CFAP46: variants seen among roughly 807,000 people sequenced by gnomAD.
CFAP46 encodes cilia and flagella associated protein 46.
In CFAP46, 245 loss-of-function variants were observed where a neutral mutation model predicts 325.7. That is an observed-to-expected ratio of 0.75 (90% CI 0.68 to 0.84). The LOEUF is 0.84. Among genes scored for constraint, CFAP46 ranks in the 40% least tolerant of loss-of-function variants. The pLI, the probability that CFAP46 is intolerant of heterozygous loss-of-function variation, is 0.00. For synonymous variants in CFAP46, 1,523 were observed against 1,495.9 expected, an observed-to-expected ratio of 1.02 and a Z score of -0.42; for missense variants, 3,346 against 3,543.0, an observed-to-expected ratio of 0.94 and a Z score of 1.41.
rs1489372991 is a variant in CFAP46 at position 132,822,587 on chromosome 10, CTGTGTGAGTGCTGATGTGTGCTGTGTGT to C, written c.7118-7701_7118-7674del. On this transcript the variant is annotated intron_variant, in intron 50 of 57. Coordinates refer to ENST00000368586, the MANE Select transcript of CFAP46 (RefSeq NM_001200049.3). ...ATGTGTGCTGTGTGTGTGCTGTGTG[CTGTGTGAGTGCTGATGTGTGCTGTGTGT>C]TGTGTGAGTGCTGATGTGTGCTGTC... is the stretch of plus-strand genomic sequence containing the variant. 1.1e-4 allele frequency among the ~76,000 whole-genome samples: 13 copies of C among 116,788 alleles called. 1 individual carries two copies. Among genetic ancestry groups the C allele is most frequent in the South Asian group, 6.5e-4 (2 of 3,084 alleles). 76.6% of individuals were successfully genotyped at this position (116,788 alleles called of 152,430 possible).
At chr10:132,809,311 G>GAGC (rs990864500) in intron 57 of CFAP46, among the ~76,000 whole-genome samples, 1 of 152,210 alleles carries the variant, frequency 6.6e-6, no homozygotes, top group Non-Finnish European at 1.5e-5. Context: ...GGTCATCGCT[G>GAGC]AGCAGCAGCA....
chr10:132,937,187 A>G (rs2135732846), intron 6 of CFAP46, 132 bp from the exon 7 acceptor site: 2 of 527,694 alleles, frequency 3.8e-6, no homozygotes, highest in Non-Finnish European at 6.4e-6. Context: ...CTGATTCCCC[A>G]TATGTCAAAA....
chr10:132,865,158 A>G (rs930659995), intron 35 of CFAP46, among the ~76,000 whole-genome samples: 8 of 152,178 alleles, frequency 5.3e-5, no homozygotes, highest in Non-Finnish European at 1.0e-4. Context: ...CAACTCTAAA[A>G]TCTGGAGAGA....
At chr10:132,822,136 GTGTGTGTGCTGATGTGTGCTGTGTGC>G (rs1473902223) in intron 50 of CFAP46, among the ~76,000 whole-genome samples, 12 of 143,344 alleles carry the variant, frequency 8.4e-5, no homozygotes, top group African/African-American at 1.6e-4. Flanking sequence ...TGTGTGTGCT[GTGTGTGTGCTGATGTGTGCTGTGTGC>G]TGTGTGTGCT....
chr10:132,809,658 C>T (rs1261194231), intron 57 of CFAP46, among the ~76,000 whole-genome samples: 2 of 152,152 alleles, frequency 1.3e-5, no homozygotes, highest in Non-Finnish European at 2.9e-5. Flanking sequence ...ACTCAGGGTC[C>T]CGGGAAGCTC....
intron 22 of CFAP46, among the ~76,000 whole-genome samples, chr10:132,906,147 CCCT>C (rs1210236830): frequency 6.6e-6 from 1 of 152,242 alleles, no homozygotes; most frequent in Non-Finnish European, 1.5e-5. Flanking sequence ...TCTGCTCCGG[CCCT>C]TTGCTGCCAC....
At chr10:132,929,172 T>C (rs1170338354) in intron 9 of CFAP46, 3 of 313,460 alleles carry the variant, frequency 9.6e-6, no homozygotes, top group African/African-American at 6.3e-5. Flanking sequence ...TACGATAAAC[T>C]TCAATTTCTA....
chr10:132,834,497 CAGA>C (rs1257177326), intron 48 of CFAP46, among the ~76,000 whole-genome samples, 154 bp downstream of exon 48: 2 of 152,204 alleles, frequency 1.3e-5, no homozygotes, highest in African/African-American at 2.4e-5. Context: ...GAGGCAGAAC[CAGA>C]AGAATTGCTT....
intron 54 of CFAP46, among the ~76,000 whole-genome samples, chr10:132,813,288 C>T (rs1026720233): frequency 6.6e-6 from 1 of 152,002 alleles, no homozygotes; most frequent in Non-Finnish European, 1.5e-5. Context: ...GGATCCCAGC[C>T]CTGCCCCTGC....
intron 44 of CFAP46, among the ~76,000 whole-genome samples, chr10:132,839,421 G>C (rs568088088): frequency 6.9e-4 from 105 of 152,368 alleles, no homozygotes; most frequent in Non-Finnish European, 2.4e-4. Context: ...CGGCCACAGA[G>C]AGAACTGGTG....
chr10:132,942,511 T>C lies in CFAP46; in HGVS notation c.-27A>G, dbSNP rs1446141436. 7.9e-7 allele frequency: 1 copy of C among 1,259,302 alleles called. No individual in the cohort carries two copies. The highest frequency in any genetic ancestry group is 1.0e-6 in the Non-Finnish European group (1 of 1,003,212). 78.0% of individuals were successfully genotyped at this position (1,259,302 alleles called of 1,614,324 possible). Reference sequence around the variant, plus strand: ...GCGCCGGCGCCCTGCTCGTCCGCTCTCTCCGGGGTCCGCGGTGCGTCCTGC... The same window carrying C: ...GCGCCGGCGCCCTGCTCGTCCGCTCCCTCCGGGGTCCGCGGTGCGTCCTGC... On this transcript the variant is annotated 5_prime_UTR_variant, in exon 1 of 58. Transcript: ENST00000368586.
chr10:132,876,945 G>A lies in CFAP46; in HGVS notation c.4229C>T (p.Pro1410Leu). The A allele has an allele frequency of 1.3e-6, 2 of 1,549,732 alleles. No individual in the cohort carries two copies. Among genetic ancestry groups the A allele is most frequent in the Non-Finnish European group, 1.7e-6 (2 of 1,146,708 alleles). The change falls in exon 31 of 58, where the codon CCT becomes CTT. Residue 1410 changes from proline to leucine, a missense_variant. Coordinates refer to ENST00000368586, the MANE Select transcript of CFAP46 (RefSeq NM_001200049.3). The surrounding 1 kb of genome is among the most constrained non-coding windows in gnomAD (Gnocchi z 4.1). ...KEPKQSQSPA[P>L]IKQLEDLPMS... ...GGGTAAGTCTTCCAGTTGTTTGATA[G>A]GAGCTGGGCTTTGAGACTAGAAAGG...
At chr10:132,810,359 G>T in intron 57 of CFAP46, 50 bp downstream of exon 57, 1 of 1,514,256 alleles carries the variant, frequency 6.6e-7, no homozygotes, top group Non-Finnish European at 9.2e-7. Flanking sequence ...CATGGGCAGT[G>T]GCTGCAGAGG....
Position 132,922,147 on chromosome 10 carries a change from A to C in CFAP46, c.1563T>G (p.Pro521=). Residue 521 remains proline, a synonymous_variant, in exon 13 of 58, where the codon CCT becomes CCG. Coordinates refer to ENST00000368586, the MANE Select transcript of CFAP46 (RefSeq NM_001200049.3). ...TGTCCAGCACAATCTGAAACGCGTC[A>C]GGGGCTAAGGCCAGGCCTGCATTCA... The part of the protein sequence containing the change: ...LLVNAGLALA[P]DAFQIVLDSE... The C allele has an allele frequency of 1.3e-6, 2 of 1,550,414 alleles. No individual in the cohort carries two copies. The highest frequency in any genetic ancestry group is 8.7e-7 in the Non-Finnish European group (1 of 1,146,956).
chr10:132,834,535 A>C, intron 48 of CFAP46, 119 bp downstream of exon 48: 1 of 1,407,586 alleles, frequency 7.1e-7, no homozygotes, highest in Middle Eastern at 1.8e-4. Flanking sequence ...GGCGGCGCCG[A>C]GTCCTGAACA....
In CFAP46 at chr10:132,814,932, G is replaced by A. The variant is rs370893254; in HGVS notation, c.7118-18C>T. 113 of 1,613,676 alleles carry A rather than the reference G, an allele frequency of 7.0e-5. No homozygotes were observed. The highest frequency in any genetic ancestry group is 9.2e-5 in the Non-Finnish European group (109 of 1,179,714). ...GCCACCTTCTGTTGAAGACAAGAAA[G>A]AGGCAGGGATGTTTGGCAGCAGCTC... On this transcript the variant is annotated intron_variant, in intron 50 of 57. Transcript: ENST00000368586.
intron 50 of CFAP46, among the ~76,000 whole-genome samples, chr10:132,816,371 G>A (rs536656234): frequency 6.7e-5 from 9 of 133,784 alleles, no homozygotes; most frequent in South Asian, 2.4e-4. Flanking sequence ...TCGCTCTGTC[G>A]CCCAGGCTGG....
At chr10:132,895,204 A>C (rs140776737) in intron 24 of CFAP46, among the ~76,000 whole-genome samples, 1 of 152,348 alleles carries the variant, frequency 6.6e-6, no homozygotes, top group East Asian at 1.9e-4. Flanking sequence ...AGAACAAAGG[A>C]GAAAAACCAC....
At position 132,867,506 on chromosome 10, in the gene CFAP46, A is replaced by G. The variant is rs763152776; in HGVS notation, c.4612T>C (p.Cys1538Arg). 1.2e-5 allele frequency: 19 copies of G among 1,549,480 alleles called. No homozygotes were observed. Among genetic ancestry groups the G allele is most frequent in the Non-Finnish European group, 1.7e-5 (19 of 1,146,830 alleles). Reference sequence around the variant, plus strand: ...TTTTTCAACGCGATCTCTTTTCTGCAGCTAATGCGAGGAAAACAGACAATA... The same window carrying G: ...TTTTTCAACGCGATCTCTTTTCTGCGGCTAATGCGAGGAAAACAGACAATA... ...VCVSELEQAS[C>R]RKEIALKKEK... Residue 1538 changes from cysteine to arginine, a missense_variant and splice_region_variant, in exon 34 of 58, where the codon TGC becomes CGC. By Grantham distance (180) the Cys-to-Arg change is radical. Coordinates refer to ENST00000368586, the MANE Select transcript of CFAP46 (RefSeq NM_001200049.3).
Sources: allele counts gnomAD v4.1 joint callset (sites outside exome capture counted in the v4.1 genomes callset), GRCh38; gene constraint gnomAD v4.1.1; non-coding constraint Gnocchi (gnomAD v3.1); transcripts MANE v1.5; gene names NCBI Gene and HGNC (gene_info 2026-07-23, HGNC 2026-07-21).